PDPN: variants seen among roughly 807,000 people sequenced by gnomAD.
The protein encoded by PDPN is PA2.26 antigen.
Under a neutral mutation model 23.2 loss-of-function variants are expected in PDPN, and 12 were observed. The ratio of observed to expected loss-of-function variants is 0.52; its 90% CI spans 0.33 to 0.84. The LOEUF (loss-of-function observed/expected upper bound fraction) is 0.84. Among genes scored for constraint, PDPN ranks in the 40% least tolerant of loss-of-function variants. The pLI, the probability that PDPN is intolerant of heterozygous loss-of-function variation, is 0.02. For synonymous variants in PDPN, 77 were observed against 76.7 expected, an observed-to-expected ratio of 1.00 and a Z score of -0.02; for missense variants, 199 against 212.2, an observed-to-expected ratio of 0.94 and a Z score of 0.39.
intron 1 of PDPN, among the ~76,000 whole-genome samples, chr1:13,593,909 CAGAGCTGTGATT>C (rs1640421255): frequency 6.6e-6 from 1 of 152,226 alleles, no homozygotes; most frequent in African/African-American, 2.4e-5. Context: ...AAGTTTATTA[CAGAGCTGTGATT>C]TCAGTCTACA....
At chr1:13,585,683 T>G (rs780503716) in intron 1 of PDPN, 5 of 1,315,946 alleles carry the variant, frequency 3.8e-6, no homozygotes, top group Non-Finnish European at 5.1e-6. Flanking sequence ...CCATCGTTGG[T>G]GCTGGAAACT....
intron 1 of PDPN, among the ~76,000 whole-genome samples, chr1:13,593,194 G>A (rs1289678075): frequency 6.6e-6 from 1 of 152,200 alleles, no homozygotes; most frequent in Non-Finnish European, 1.5e-5. Flanking sequence ...ACATAGGAAT[G>A]ACAGAAAGCA....
At chr1:13,598,536 A>AG (rs1276537879) in intron 1 of PDPN, among the ~76,000 whole-genome samples, 2 of 152,144 alleles carry the variant, frequency 1.3e-5, no homozygotes, top group Non-Finnish European at 2.9e-5. Context: ...CTTGACTTAG[A>AG]GTGGCCTCTG....
chr1:13,594,740 A>C (rs982107482), intron 1 of PDPN, among the ~76,000 whole-genome samples: 1 of 152,056 alleles, frequency 6.6e-6, no homozygotes, highest in Admixed American at 6.6e-5. Context: ...TAATCCCAGC[A>C]CTTTGGGAGG....
chr1:13,584,695 A>G (rs1640127799), intron 1 of PDPN, among the ~76,000 whole-genome samples: 1 of 152,314 alleles, frequency 6.6e-6, no homozygotes, highest in East Asian at 1.9e-4. Context: ...AAAGGATCCA[A>G]GTGGAGGCTT....
At chr1:13,586,772 A>G (rs1640190047) in intron 1 of PDPN, among the ~76,000 whole-genome samples, 1 of 151,662 alleles carries the variant, frequency 6.6e-6, no homozygotes, top group Non-Finnish European at 1.5e-5. Context: ...TTAAAAAAAA[A>G]AAAAAAAAAA....
At chr1:13,605,445 C>T (rs1640758892) in intron 1 of PDPN, among the ~76,000 whole-genome samples, 1 of 152,168 alleles carries the variant, frequency 6.6e-6, no homozygotes, top group Admixed American at 6.5e-5. Context: ...GCCAGTGAGT[C>T]ACATTTTTAA....
intron 1 of PDPN, among the ~76,000 whole-genome samples, chr1:13,604,983 C>G (rs1414096913): frequency 6.6e-6 from 1 of 152,120 alleles, no homozygotes; most frequent in Non-Finnish European, 1.5e-5. Context: ...TCGCTGTACA[C>G]CCCCAGATTA....
At chr1:13,601,388 G>A (rs1640637049) in intron 1 of PDPN, among the ~76,000 whole-genome samples, 1 of 152,168 alleles carries the variant, frequency 6.6e-6, no homozygotes, top group Non-Finnish European at 1.5e-5. Flanking sequence ...ACCATGTCTT[G>A]CTCTGTCACC....
intron 1 of PDPN, among the ~76,000 whole-genome samples, chr1:13,604,154 G>A (rs892682446): frequency 9.2e-5 from 14 of 152,234 alleles, no homozygotes; most frequent in Admixed American, 9.2e-4. Context: ...CTGTATGTGT[G>A]TGTGTATGCG....
intron 1 of PDPN, among the ~76,000 whole-genome samples, chr1:13,600,439 C>G (rs183189721): frequency 6.6e-6 from 1 of 151,864 alleles, no homozygotes; most frequent in East Asian, 1.9e-4. Flanking sequence ...ACAATCTCAG[C>G]TCACTACAGC....
chr1:13,590,607 G>A (rs1195077941), intron 1 of PDPN, among the ~76,000 whole-genome samples: 1 of 152,128 alleles, frequency 6.6e-6, no homozygotes, highest in East Asian at 1.9e-4. Context: ...GATCAGTCCG[G>A]GCTTTTTGTG....
rs771813129 is a variant in PDPN, at chr1:13,610,465, G to A, written c.280G>A (p.Glu94Lys). 4 of 1,614,076 alleles carry A rather than the reference G, an allele frequency of 2.5e-6. No homozygotes were observed. In the South Asian group the frequency reaches 4.4e-5, roughly 18 times the overall value. Residue 94 changes from glutamate (E) to lysine (K), a missense_variant, in exon 3 of 6, where the codon GAA becomes AAA. Physicochemically the swap from Glu to Lys is moderately conservative, Grantham distance 56 (BLOSUM62 1). Coordinates refer to ENST00000621990, the MANE Select transcript of PDPN (RefSeq NM_006474.5). ...TTCAGAAAGCACAGTCCACGCGCAA[G>A]AACAAAGTCCAAGCGCCACAGCCTC... is the stretch of plus-strand genomic sequence containing the variant. ...PTSESTVHAQ[E>K]QSPSATASNV...
At chr1:13,590,118 G>A (rs926352232) in intron 1 of PDPN, among the ~76,000 whole-genome samples, 5 of 152,176 alleles carry the variant, frequency 3.3e-5, no homozygotes, top group South Asian at 2.1e-4. Context: ...GTAAGCCACC[G>A]CTCCCTGCCA....
rs767924535 is a variant in PDPN at position 13,583,894 on chromosome 1, G to C, written c.-140G>C. 9.9e-6 allele frequency: 16 copies of C among 1,611,408 alleles called. No individual in the cohort carries two copies. Among genetic ancestry groups the C allele is most frequent in the Non-Finnish European group, 1.4e-5 (16 of 1,178,660 alleles). On this transcript the variant is annotated 5_prime_UTR_variant, in exon 1 of 6. Coordinates refer to ENST00000621990, the MANE Select transcript of PDPN (RefSeq NM_006474.5). The stretch of plus-strand genomic sequence containing the variant: ...GAAGCTCGGGCACCCTCCCTCTCCG[G>C]GGCTCCTGCTCCCACCCCTCCGGCC...
At chr1:13,600,671 C>G (rs1244846708) in intron 1 of PDPN, among the ~76,000 whole-genome samples, 2 of 152,122 alleles carry the variant, frequency 1.3e-5, no homozygotes, top group East Asian at 3.9e-4. Flanking sequence ...GGCCACATCA[C>G]TTAACTTCCG....
chr1:13,612,480 A>G (rs965347115), intron 3 of PDPN, among the ~76,000 whole-genome samples: 16 of 152,190 alleles, frequency 1.1e-4, no homozygotes, highest in South Asian at 2.1e-4. Context: ...GTGATAAGCA[A>G]ATGATTGACT....
intron 1 of PDPN, among the ~76,000 whole-genome samples, chr1:13,599,256 G>A (rs563178473): frequency 1.3e-5 from 2 of 151,630 alleles, no homozygotes; most frequent in South Asian, 4.2e-4. Context: ...TGATCCACCT[G>A]CATCAGCCTC....
chr1:13,585,741 G>A, intron 1 of PDPN: 1 of 954,520 alleles, frequency 1.0e-6, no homozygotes, highest in Non-Finnish European at 1.5e-6. Context: ...GAGTGAGGGT[G>A]GGTGCTGAGT....
Sources: allele counts gnomAD v4.1 joint callset (sites outside exome capture counted in the v4.1 genomes callset), GRCh38; gene constraint gnomAD v4.1.1; transcripts MANE v1.5; gene names NCBI Gene and HGNC (gene_info 2026-07-23, HGNC 2026-07-21).